COL22A1: variants seen among roughly 807,000 people sequenced by gnomAD.
COL22A1 encodes collagen alpha-1(XXII) chain.
Under a neutral mutation model 248.9 loss-of-function variants are expected in COL22A1, and 221 were observed. The ratio of observed to expected loss-of-function variants is 0.89; its 90% CI spans 0.80 to 0.99. The LOEUF is 0.99. COL22A1 is among the 50% of genes least tolerant of loss of function. COL22A1 has a pLI of 0.00. For synonymous variants in COL22A1, 891 were observed against 793.4 expected (o/e 1.12, Z -2.07); for missense variants, 2,240 against 2,179.0 (o/e 1.03, Z -0.56).
At chr8:138,730,331 G>A (rs1586593063) in intron 23 of COL22A1, among the ~76,000 whole-genome samples, 1 of 152,116 alleles carries the variant, frequency 6.6e-6, no homozygotes, top group South Asian at 2.1e-4. Flanking sequence ...CTATCCTGGA[G>A]CACCTGGAAG....
At position 138,588,987 on chromosome 8, in the gene COL22A1, A is replaced by G; in HGVS notation, c.*266T>C. The G allele has an allele frequency of 3.1e-6, 1 of 320,706 alleles. No individual in the cohort carries two copies. 19.9% of individuals were successfully genotyped at this position (320,706 alleles called of 1,614,324 possible). A position where few individuals can be genotyped will look rare whatever the true frequency, so the allele number is the denominator to read the frequency against. On this transcript the variant is annotated 3_prime_UTR_variant, in exon 65 of 65. Coordinates refer to ENST00000303045, the MANE Select transcript of COL22A1 (RefSeq NM_152888.3). ...AGTTTTCCCAACTTTAAAGGAGTGG[A>G]AAAGAACTCACAAAGCATCAGCATA...
intron 32 of COL22A1, among the ~76,000 whole-genome samples, chr8:138,698,176 G>A (rs2130956358): frequency 6.6e-6 from 1 of 152,320 alleles, no homozygotes; most frequent in East Asian, 1.9e-4. Flanking sequence ...GGGGCAGGGG[G>A]AGGCAATACA....
intron 22 of COL22A1, among the ~76,000 whole-genome samples, chr8:138,747,954 T>C (rs1475692818): frequency 2.6e-5 from 4 of 152,186 alleles, no homozygotes; most frequent in Non-Finnish European, 4.4e-5. Flanking sequence ...AGAAGCCATG[T>C]CTGCAGCTAT....
At chr8:138,755,461 G>T in intron 20 of COL22A1, 21 bp downstream of exon 20, 20 of 1,609,352 alleles carry the variant, frequency 1.2e-5, no homozygotes, top group Non-Finnish European at 1.7e-5. Flanking sequence ...CCCATGAGAA[G>T]AAGACGCGTG....
chr8:138,607,627 G>A (rs1425863295), intron 57 of COL22A1, among the ~76,000 whole-genome samples: 1 of 150,930 alleles, frequency 6.6e-6, no homozygotes, highest in Non-Finnish European at 1.5e-5. Flanking sequence ...CCATCCTCTG[G>A]AAACATCAAA....
chr8:138,899,663 A>G (rs1814398575), intron 1 of COL22A1, among the ~76,000 whole-genome samples: 1 of 152,018 alleles, frequency 6.6e-6, no homozygotes, highest in Admixed American at 6.6e-5. Flanking sequence ...AGCTGGGATT[A>G]CAGGCATGCG....
chr8:138,638,336 C>T (rs1432888868), intron 47 of COL22A1, among the ~76,000 whole-genome samples: 1 of 152,062 alleles, frequency 6.6e-6, no homozygotes. Context: ...GCCTGTCATC[C>T]CTTAACTTTG....
At chr8:138,897,798 CAG>C (rs1814232800) in intron 1 of COL22A1, among the ~76,000 whole-genome samples, 1 of 149,380 alleles carries the variant, frequency 6.7e-6, no homozygotes, top group African/African-American at 2.5e-5. Flanking sequence ...AAAACAACAA[CAG>C]AAAAAAAAAA....
At chr8:138,820,159 C>T (rs1368877590) in intron 7 of COL22A1, among the ~76,000 whole-genome samples, 1 of 152,088 alleles carries the variant, frequency 6.6e-6, no homozygotes, top group African/African-American at 2.4e-5. Context: ...AGATGTAGTC[C>T]ATTATTTACA....
chr8:138,723,066 GA>G (rs67823536), intron 25 of COL22A1, among the ~76,000 whole-genome samples: 35,747 of 149,300 alleles, frequency 0.24, 4,640 homozygotes, highest in Middle Eastern at 0.31. Flanking sequence ...AAAGTTGAAG[GA>G]AAAAAAAAAT....
At chr8:138,854,462 C>T (rs1286381345) in intron 3 of COL22A1, among the ~76,000 whole-genome samples, 1 of 152,138 alleles carries the variant, frequency 6.6e-6, no homozygotes, top group Non-Finnish European at 1.5e-5. Flanking sequence ...GAGTGACCTG[C>T]TCCTGGTTAC....
intron 46 of COL22A1, 23 bp downstream of exon 46, chr8:138,649,642 C>T (rs761849702): frequency 4.4e-6 from 7 of 1,602,334 alleles, no homozygotes; most frequent in Admixed American, 3.4e-5. Flanking sequence ...TGATAAAAAT[C>T]GAGTTTCCCC....
At chr8:138,625,114 T>C (rs1274412841) in intron 51 of COL22A1, among the ~76,000 whole-genome samples, 2 of 151,928 alleles carry the variant, frequency 1.3e-5, no homozygotes, top group Non-Finnish European at 1.5e-5. Context: ...ATTACACCAA[T>C]AGAAATGCGA....
intron 1 of COL22A1, among the ~76,000 whole-genome samples, chr8:138,903,582 G>T (rs1220601397): frequency 6.6e-6 from 1 of 152,128 alleles, no homozygotes; most frequent in Non-Finnish European, 1.5e-5. Context: ...CTGGCGCCCT[G>T]CTTGGCTCCT....
At chr8:138,815,725 C>T (rs567273151) in intron 7 of COL22A1, among the ~76,000 whole-genome samples, 13 of 152,260 alleles carry the variant, frequency 8.5e-5, no homozygotes, top group East Asian at 3.9e-4. Flanking sequence ...TGGAGCAGTC[C>T]GACTCATAAA....
chr8:138,663,681 C>G (rs765174437), intron 42 of COL22A1, 24 bp downstream of exon 42: 1 of 1,575,350 alleles, frequency 6.3e-7, no homozygotes, highest in South Asian at 1.1e-5. Context: ...AGAAACTCAT[C>G]CCTTTATTTA....
Position 138,811,537 on chromosome 8 carries a change from G to A in COL22A1, c.1449+262C>T, listed in dbSNP as rs1277694344. ...TCATTTGACTCAGTCACCCCTGAGT[G>A]GAGATCACAAAGGAGTAACCTGGGA... On this transcript the variant is annotated intron_variant, in intron 9 of 64. Transcript: ENST00000303045. Among the ~76,000 whole-genome samples, 5 of 152,264 alleles carry A rather than the reference G, an allele frequency of 3.3e-5. No homozygotes were observed. The East Asian group carries it at 9.7e-4, about 29-fold the overall frequency.
chr8:138,766,515 G>A (rs1344855493), intron 16 of COL22A1, among the ~76,000 whole-genome samples: 1 of 152,062 alleles, frequency 6.6e-6, no homozygotes, highest in African/African-American at 2.4e-5. Flanking sequence ...GAGAGACTCA[G>A]TAACAGAAAA....
intron 6 of COL22A1, among the ~76,000 whole-genome samples, chr8:138,822,754 A>T (rs1819250800): frequency 6.6e-6 from 1 of 152,024 alleles, no homozygotes; most frequent in East Asian, 1.9e-4. Context: ...GAGTTGGAGT[A>T]TTTATTCCTC....
Sources: gnomAD v4.1 joint callset for allele counts (sites outside exome capture counted in the v4.1 genomes callset) on GRCh38, gnomAD v4.1.1 for gene constraint, MANE v1.5 for transcripts, NCBI Gene and HGNC (gene_info 2026-07-23, HGNC 2026-07-21) for gene names.